The following RARB variants were observed in gnomAD, a reference collection of about 807,000 sequenced individuals.
RARB encodes HBV-activated protein.
In RARB, 17 loss-of-function variants were observed where a neutral mutation model predicts 51.9. The ratio of observed to expected loss-of-function variants is 0.33; its 90% CI spans 0.22 to 0.49. The LOEUF (loss-of-function observed/expected upper bound fraction) is 0.49. Ranked by LOEUF, RARB falls within the 20% of genes least tolerant of loss-of-function variation. The probability of loss-of-function intolerance (pLI) is 0.99; values close to 1 mark genes in which losing one functional copy is unlikely to be tolerated. For synonymous variants in RARB, 215 were observed against 195.4 expected (o/e 1.10, Z -0.84); for missense variants, 369 against 550.8 (o/e 0.67, Z 3.30).
intron 5 of RARB, among the ~76,000 whole-genome samples, chr3:25,392,577 TTA>T (rs1413438096): frequency 6.6e-6 from 1 of 152,186 alleles, no homozygotes; most frequent in Admixed American, 6.6e-5. Flanking sequence ...CAGCAGTGTT[TTA>T]TAGTTTTCCT....
chr3:25,565,874 G>A (rs1700472814), intron 3 of RARB, among the ~76,000 whole-genome samples: 1 of 152,158 alleles, frequency 6.6e-6, no homozygotes, highest in African/African-American at 2.4e-5. Flanking sequence ...CATCTCGGGG[G>A]AGGCTCTGAA....
At chr3:25,485,692 T>G (rs778839938) in intron 2 of RARB, among the ~76,000 whole-genome samples, 5 of 152,242 alleles carry the variant, frequency 3.3e-5, no homozygotes, top group Non-Finnish European at 7.3e-5. Flanking sequence ...AATGTAATTT[T>G]TTTTAATTGT....
chr3:24,866,816 G>C (rs1702857058), intron 2 of RARB, among the ~76,000 whole-genome samples: 1 of 152,130 alleles, frequency 6.6e-6, no homozygotes, highest in Non-Finnish European at 1.5e-5. Flanking sequence ...AAAGGGGAGA[G>C]CAGGGTTTTA....
intron 5 of RARB, among the ~76,000 whole-genome samples, chr3:25,355,752 G>A (rs940057362): frequency 6.6e-6 from 1 of 152,078 alleles, no homozygotes; most frequent in Non-Finnish European, 1.5e-5. Context: ...CTCATAATTA[G>A]CTAAAATAGT....
chr3:25,255,889 T>A (rs995573737), intron 5 of RARB, among the ~76,000 whole-genome samples: 6 of 152,194 alleles, frequency 3.9e-5, no homozygotes, highest in Non-Finnish European at 7.4e-5. Flanking sequence ...TTTATTTATA[T>A]TTATTAATAT....
chr3:25,146,492 G>GT (rs751190061), intron 4 of RARB, among the ~76,000 whole-genome samples: 21 of 126,322 alleles, frequency 1.7e-4, no homozygotes, highest in Middle Eastern at 4.5e-3. Context: ...AATTTGCTAA[G>GT]TTTTTTGTTT....
chr3:25,279,101 C>T (rs192299485), intron 5 of RARB, among the ~76,000 whole-genome samples: 8 of 152,298 alleles, frequency 5.3e-5, no homozygotes, highest in South Asian at 2.1e-4. Context: ...CCACACACAT[C>T]GTTGCCTTCT....
intron 5 of RARB, among the ~76,000 whole-genome samples, chr3:25,331,447 G>A (rs1704892533): frequency 6.6e-6 from 1 of 152,068 alleles, no homozygotes; most frequent in South Asian, 2.1e-4. Flanking sequence ...ACAAAACGAA[G>A]GCAGAAATAA....
chr3:25,460,851 T>C (rs925172054), intron 1 of RARB, among the ~76,000 whole-genome samples: 1 of 152,254 alleles, frequency 6.6e-6, no homozygotes, highest in Non-Finnish European at 1.5e-5. Context: ...GTCTTGGCTC[T>C]ACCACTGCTC....
chr3:25,097,711 C>T (rs997853540), intron 3 of RARB, among the ~76,000 whole-genome samples: 1 of 152,124 alleles, frequency 6.6e-6, no homozygotes, highest in African/African-American at 2.4e-5. Flanking sequence ...CTGGACATGT[C>T]CCAGACCAGT....
intron 3 of RARB, among the ~76,000 whole-genome samples, chr3:25,103,033 G>C (rs1213550256): frequency 6.6e-6 from 1 of 152,176 alleles, no homozygotes; most frequent in Non-Finnish European, 1.5e-5. Context: ...TGCTAGACTA[G>C]AGAAGAGGAC....
upstream of RARB, among the ~76,000 whole-genome samples, chr3:25,426,912 G>A (rs1484085171): frequency 6.6e-6 from 1 of 152,152 alleles, no homozygotes; most frequent in Non-Finnish European, 1.5e-5. Context: ...CTTCCTGTAG[G>A]TTGGGTCAGT....
At chr3:25,057,624 T>A (rs757419602) in intron 2 of RARB, among the ~76,000 whole-genome samples, 5 of 152,010 alleles carry the variant, frequency 3.3e-5, no homozygotes, top group Non-Finnish European at 5.9e-5. Context: ...CCCTATGGGA[T>A]GAGAACAGCT....
intron 5 of RARB, among the ~76,000 whole-genome samples, chr3:25,399,392 A>G (rs6550970): frequency 0.13 from 20,333 of 152,104 alleles, 1,620 homozygotes; most frequent in African/African-American, 0.22. Flanking sequence ...CACAGTCTGG[A>G]CCACCTAGAT....
chr3:25,033,618 C>A (rs535621598), intron 2 of RARB, among the ~76,000 whole-genome samples: 3 of 152,182 alleles, frequency 2.0e-5, no homozygotes, highest in South Asian at 4.2e-4. Context: ...GAAGAGCTCC[C>A]CCTGGAGGAC....
intron 2 of RARB, among the ~76,000 whole-genome samples, chr3:24,938,723 TC>T (rs1695595940): frequency 6.6e-6 from 1 of 152,142 alleles, no homozygotes; most frequent in African/African-American, 2.4e-5. Context: ...GAATCTACAT[TC>T]TCCCCGCCCT....
chr3:25,260,828 T>G (rs1702981121), intron 5 of RARB, among the ~76,000 whole-genome samples: 1 of 152,186 alleles, frequency 6.6e-6, no homozygotes, highest in Non-Finnish European at 1.5e-5. Flanking sequence ...CTGATTCTTG[T>G]TTTATCTGTT....
intron 5 of RARB, among the ~76,000 whole-genome samples, chr3:25,367,166 G>C (rs1381108852): frequency 6.6e-6 from 1 of 152,176 alleles, no homozygotes; most frequent in East Asian, 1.9e-4. Context: ...AAAAGCAAAA[G>C]ACAGACATGC....
intron 5 of RARB, among the ~76,000 whole-genome samples, chr3:25,403,212 G>A (rs1020895863): frequency 3.3e-5 from 5 of 151,676 alleles, no homozygotes; most frequent in African/African-American, 1.2e-4. Context: ...GCACAACAGG[G>A]TGACTGTAGT....
Sources: allele counts gnomAD v4.1 joint callset (sites outside exome capture counted in the v4.1 genomes callset), GRCh38; gene constraint gnomAD v4.1.1; transcripts MANE v1.5; gene names NCBI Gene and HGNC (gene_info 2026-07-23, HGNC 2026-07-21).